The following KIF25 variants were observed in gnomAD, a reference collection of about 807,000 sequenced individuals.
KIF25 encodes kinesin-like protein KIF25.
Under a neutral mutation model 32.9 loss-of-function variants are expected in KIF25, and 19 were observed. The observed-to-expected ratio is 0.58, with a 90% CI of 0.40 to 0.85. The LOEUF is 0.85. Among genes scored for constraint, KIF25 ranks in the 40% least tolerant of loss-of-function variants. The probability of loss-of-function intolerance (pLI) is 0.00; values close to 1 mark genes in which losing one functional copy is unlikely to be tolerated. For missense variants in KIF25, 485 were observed against 507.0 expected (o/e 0.96, Z 0.42); for synonymous variants, 225 against 213.7 (o/e 1.05, Z -0.46).
At chr6:168,026,315 AG>A (rs1798859878) in intron 5 of KIF25, among the ~76,000 whole-genome samples, 1 of 152,208 alleles carries the variant, frequency 6.6e-6, no homozygotes, top group East Asian at 1.9e-4. Context: ...TGAGGGTCGA[AG>A]GGAAACATCA....
At chr6:168,013,559 G>A (rs1798677051) in intron 4 of KIF25, among the ~76,000 whole-genome samples, 1 of 152,230 alleles carries the variant, frequency 6.6e-6, no homozygotes, top group African/African-American at 2.4e-5. Flanking sequence ...GGTGAGCAGT[G>A]CACACCTTGT....
At chr6:168,005,157 GCTGA>G (rs1208422345) in intron 4 of KIF25, among the ~76,000 whole-genome samples, 3 of 152,200 alleles carry the variant, frequency 2.0e-5, no homozygotes, top group Admixed American at 2.0e-4. Context: ...GCATGCACGA[GCTGA>G]CTGTCACAGG....
rs1798522403 is a variant in KIF25 at position 168,002,534 on chromosome 6, T to G, written c.-369-9T>G. The G allele has an allele frequency of 6.6e-6, 1 of 152,232 alleles. No homozygotes were observed. The highest frequency in any genetic ancestry group is 1.9e-4 in the East Asian group (1 of 5,188). 9.4% of individuals were successfully genotyped at this position (152,232 alleles called of 1,614,324 possible). On this transcript the variant is annotated splice_polypyrimidine_tract_variant and intron_variant, in intron 2 of 12. Coordinates refer to ENST00000643607, the MANE Select transcript of KIF25 (RefSeq NM_030615.4). ...GCTTTTGGTTTTGAAACATGTTGCATTTTTTCAGATTCATGATGGCTTGCA... is the reference window on the plus strand; with the variant it reads ...GCTTTTGGTTTTGAAACATGTTGCAGTTTTTCAGATTCATGATGGCTTGCA...
chr6:167,997,933 C>A lies in KIF25; in HGVS notation c.-1536C>A, dbSNP rs533252319. Reference sequence around the variant, plus strand: ...GAGGTTCTCCAGCTGTTAGATGTGTCAAAGAATAATTCTCATTTTAAGCAT... The same window carrying A: ...GAGGTTCTCCAGCTGTTAGATGTGTAAAAGAATAATTCTCATTTTAAGCAT... On this transcript the variant is annotated 5_prime_UTR_variant, in exon 1 of 13. Transcript: ENST00000643607. Among the ~76,000 whole-genome samples the A allele has an allele frequency of 2.0e-5, 3 of 152,280 alleles. No homozygotes were observed. In the South Asian group the frequency reaches 6.2e-4, roughly 32 times the overall value.
chr6:168,041,880 A>G, intron 10 of KIF25, 89 bp from the exon 11 acceptor site: 4 of 1,344,554 alleles, frequency 3.0e-6, no homozygotes, highest in Non-Finnish European at 4.1e-6. Context: ...GGTGCAGTTC[A>G]GAAGCTTCTC....
intron 9 of KIF25, 101 bp downstream of exon 9, chr6:168,038,830 A>G: frequency 1.7e-6 from 2 of 1,190,848 alleles, no homozygotes; most frequent in Non-Finnish European, 2.4e-6. Context: ...CGAGCTCCCC[A>G]CGCCCAAGGA....
rs1314792489 is a variant in KIF25 at position 167,998,683 on chromosome 6, C to G, written c.-786C>G. Reference sequence around the variant, plus strand: ...CCAGGATGCCATTCAAAGGGATTTTCCTTGGTACTTATTACCAAGGGATAC... The same window carrying G: ...CCAGGATGCCATTCAAAGGGATTTTGCTTGGTACTTATTACCAAGGGATAC... On this transcript the variant is annotated 5_prime_UTR_variant, in exon 1 of 13. Transcript: ENST00000643607. 6.6e-6 allele frequency: 1 copy of G among 152,174 alleles called. No individual in the cohort carries two copies. The highest frequency in any genetic ancestry group is 1.9e-4 in the East Asian group (1 of 5,192). 9.4% of individuals were successfully genotyped at this position (152,174 alleles called of 1,614,324 possible). A position where few individuals can be genotyped will look rare whatever the true frequency, so the allele number is the denominator to read the frequency against.
At chr6:168,042,250 C>A (rs151246487) in intron 11 of KIF25, 99 bp downstream of exon 11, 7 of 1,265,566 alleles carry the variant, frequency 5.5e-6, no homozygotes, top group Non-Finnish European at 7.5e-6. Flanking sequence ...AAGCTCTGGG[C>A]GAGCCAGGCA....
chr6:168,009,265 T>G (rs1312033426), intron 4 of KIF25, among the ~76,000 whole-genome samples: 3 of 150,290 alleles, frequency 2.0e-5, no homozygotes, highest in South Asian at 4.2e-4. Flanking sequence ...TTAAGAGTTG[T>G]TTTTTTTTAT....
At chr6:168,023,345 G>T (rs372273918) in intron 5 of KIF25, among the ~76,000 whole-genome samples, 23 of 144,342 alleles carry the variant, frequency 1.6e-4, no homozygotes, top group African/African-American at 5.9e-4. Flanking sequence ...TCAGCTCACT[G>T]CAAGCTCCAC....
Position 168,040,125 on chromosome 6 carries a change from G to T in KIF25, c.555G>T (p.Ala185=). ...ELVHGGLQLR[A]KHPTLVHADS... ...TTCATGGAGGTCTGCAGCTCAGGGC[G>T]AAGCACCCCACCCTGGTGCACGCGG... is the stretch of plus-strand genomic sequence containing the variant. Residue 185 remains alanine (A), a synonymous_variant, in exon 10 of 13, where the codon GCG becomes GCT. Coordinates refer to ENST00000643607, the MANE Select transcript of KIF25 (RefSeq NM_030615.4). 6.2e-7 allele frequency: 1 copy of T among 1,614,070 alleles called. No homozygotes were observed. Among genetic ancestry groups the T allele is most frequent in the Non-Finnish European group, 8.5e-7 (1 of 1,180,014 alleles).
chr6:168,041,208 GCCA>G (rs1048382274), intron 10 of KIF25, among the ~76,000 whole-genome samples: 2 of 152,200 alleles, frequency 1.3e-5, no homozygotes, highest in African/African-American at 4.8e-5. Flanking sequence ...CATCCTTCTT[GCCA>G]CCGTGGCACT....
At chr6:168,036,006 A>G (rs1014434568) in intron 8 of KIF25, 2 of 313,296 alleles carry the variant, frequency 6.4e-6, no homozygotes, top group African/African-American at 4.3e-5. Context: ...AAAATGATAC[A>G]AAACCACAAT....
Position 168,033,951 on chromosome 6 carries a change from T to G in KIF25, c.237T>G (p.His79Gln). The G allele has an allele frequency of 6.2e-7, 1 of 1,614,160 alleles. No individual in the cohort carries two copies. The highest frequency in any genetic ancestry group is 1.1e-5 in the South Asian group (1 of 91,076). The stretch of plus-strand genomic sequence containing the variant: ...AGAGCTATACCATGCTGGGACGCCA[T>G]TCGGACGACGGCCCTGTTCTGCCGC... The part of the protein sequence containing the change: ...SGKSYTMLGR[H>Q]SDDGPVLPLD... Residue 79 changes from histidine (H) to glutamine (Q), a missense_variant, in exon 8 of 13, where the codon CAT becomes CAG. By Grantham distance (24) the His-to-Gln change is conservative (BLOSUM62 0). Transcript: ENST00000643607.
chr6:168,038,232 G>C (rs906533094), intron 8 of KIF25, among the ~76,000 whole-genome samples: 2 of 152,176 alleles, frequency 1.3e-5, no homozygotes, highest in South Asian at 4.1e-4. Flanking sequence ...AATGGGGCAT[G>C]GTAATTTCTA....
chr6:168,034,093 C>T (rs751065028), intron 8 of KIF25, 62 bp downstream of exon 8: 748 of 1,576,482 alleles, frequency 4.7e-4, no homozygotes, highest in Non-Finnish European at 6.2e-4. Context: ...CGGTCAGCAC[C>T]TTGGTTATCA....
chr6:168,005,308 C>T (rs1016477639), intron 4 of KIF25, among the ~76,000 whole-genome samples: 7 of 152,132 alleles, frequency 4.6e-5, no homozygotes, highest in Non-Finnish European at 7.4e-5. Context: ...GGAAGAGCAT[C>T]GGATTTGTTG....
chr6:168,044,023 T>C (rs192881119), intron 12 of KIF25, among the ~76,000 whole-genome samples: 164 of 152,334 alleles, frequency 1.1e-3, no homozygotes, highest in African/African-American at 3.7e-3. Context: ...CCCAGGGGGC[T>C]GAGCGTCCCT....
rs1428369264 is a variant in KIF25, at chr6:167,997,943, T to C, written c.-1526T>C. The stretch of plus-strand genomic sequence containing the variant: ...AGCTGTTAGATGTGTCAAAGAATAA[T>C]TCTCATTTTAAGCATCTACTTATGT... On this transcript the variant is annotated 5_prime_UTR_variant, in exon 1 of 13. Transcript: ENST00000643607. Among the ~76,000 whole-genome samples, 2 of 152,186 alleles carry C rather than the reference T, an allele frequency of 1.3e-5. No homozygotes were observed. The highest frequency in any genetic ancestry group is 3.8e-4 in the East Asian group (2 of 5,198).
Sources: gnomAD v4.1 joint callset for allele counts (sites outside exome capture counted in the v4.1 genomes callset) on GRCh38, gnomAD v4.1.1 for gene constraint, MANE v1.5 for transcripts, NCBI Gene and HGNC (gene_info 2026-07-23, HGNC 2026-07-21) for gene names.